SAMD12: variants seen among roughly 807,000 people sequenced by gnomAD.
The protein encoded by SAMD12 is sterile alpha motif domain containing 12.
SAMD12 carries 9 observed loss-of-function variants against 15.0 expected under a neutral mutation model. That is an observed-to-expected ratio of 0.60 (90% confidence interval 0.36 to 1.05). The LOEUF (loss-of-function observed/expected upper bound fraction) is 1.05. Among genes scored for constraint, SAMD12 ranks in the 50% least tolerant of loss-of-function variants. The probability of loss-of-function intolerance (pLI) is 0.01; values close to 1 mark genes in which losing one functional copy is unlikely to be tolerated. For missense variants in SAMD12, 230 were observed against 234.2 expected (o/e 0.98, Z 0.12); for synonymous variants, 86 against 90.1 (o/e 0.96, Z 0.25).
the SAMD12 span, among the ~76,000 whole-genome samples, chr8:118,163,964 C>T: frequency 6.6e-6 from 1 of 152,158 alleles, no homozygotes; most frequent in Non-Finnish European, 1.5e-5. Flanking sequence ...GGAGGAAGAA[C>T]ATTGCTGGAG....
At chr8:118,414,714 T>C (rs571556891) in intron 3 of SAMD12, among the ~76,000 whole-genome samples, 1 of 152,290 alleles carries the variant, frequency 6.6e-6, no homozygotes, top group East Asian at 1.9e-4. Flanking sequence ...TTGGCATTGC[T>C]TGTACGGCAG....
rs1437247836 is a variant in SAMD12 at position 118,242,431 on chromosome 8, T to C, written c.434-44699A>G. ...ATGGTTGCAGTTATCCTTGGTACAG[T>C]AGGTACAGTAAAATAAGATATTTTC... On this transcript the variant is annotated intron_variant, in intron 4 of 4. Transcript: ENST00000409003. 3.3e-5 allele frequency among the ~76,000 whole-genome samples: 5 copies of C among 152,130 alleles called. No homozygotes were observed. The East Asian group carries it at 5.8e-4, about 18-fold the overall frequency.
At chr8:118,367,898 C>A (rs1818879311) in intron 4 of SAMD12, among the ~76,000 whole-genome samples, 1 of 152,170 alleles carries the variant, frequency 6.6e-6, no homozygotes, top group African/African-American at 2.4e-5. Context: ...AATCATGAGT[C>A]CATGTCAAGC....
At chr8:118,180,679 C>A in the SAMD12 span, among the ~76,000 whole-genome samples, 3 of 151,798 alleles carry the variant, frequency 2.0e-5, no homozygotes, top group African/African-American at 7.3e-5. Context: ...CTCAAGCAAT[C>A]CTCCCAGCTC....
chr8:118,458,152 C>T (rs1823314705), intron 2 of SAMD12, among the ~76,000 whole-genome samples: 1 of 152,186 alleles, frequency 6.6e-6, no homozygotes, highest in African/African-American at 2.4e-5. Context: ...TCCTACTTAA[C>T]TAAATCACAT....
rs1819544732 is a variant in SAMD12 at position 118,379,349 on chromosome 8, A to T, written c.*68T>A. ...TTAGCTCAGGTAATTCTGTTTGCTCATCCATTACTTATTTGTGCATCCTTC... is the reference window on the plus strand; with the variant it reads ...TTAGCTCAGGTAATTCTGTTTGCTCTTCCATTACTTATTTGTGCATCCTTC... On this transcript the variant is annotated 3_prime_UTR_variant, in exon 4 of 4. Coordinates refer to ENST00000314727, the MANE Select transcript of SAMD12 (RefSeq NM_207506.3). The T allele has an allele frequency of 3.2e-6, 5 of 1,550,328 alleles. No individual in the cohort carries two copies. The highest frequency in any genetic ancestry group is 4.3e-6 in the Non-Finnish European group (5 of 1,151,752).
chr8:118,342,595 G>A (rs553001268), intron 4 of SAMD12, among the ~76,000 whole-genome samples: 1 of 152,166 alleles, frequency 6.6e-6, no homozygotes, highest in Non-Finnish European at 1.5e-5. Flanking sequence ...AGATGACGAT[G>A]GAAGTACTGA....
intron 2 of SAMD12, among the ~76,000 whole-genome samples, chr8:118,550,899 CT>C (rs1465615723): frequency 6.7e-6 from 1 of 149,934 alleles, no homozygotes; most frequent in East Asian, 1.9e-4. Context: ...ATAAAACAGA[CT>C]TTAAACCAAC....
intron 4 of SAMD12, among the ~76,000 whole-genome samples, chr8:118,334,658 C>A (rs866975346): frequency 1.3e-5 from 2 of 152,060 alleles, no homozygotes; most frequent in South Asian, 4.1e-4. Context: ...TGCAGTGGAG[C>A]GATCATGGCT....
the SAMD12 span, among the ~76,000 whole-genome samples, chr8:118,174,735 T>C: frequency 6.6e-6 from 1 of 152,052 alleles, no homozygotes; most frequent in African/African-American, 2.4e-5. Context: ...TGGATAAATT[T>C]CAAATCTACA....
chr8:118,346,021 C>T (rs1257817157), intron 4 of SAMD12, among the ~76,000 whole-genome samples: 1 of 152,174 alleles, frequency 6.6e-6, no homozygotes, highest in Admixed American at 6.5e-5. Context: ...AGCCTACTTG[C>T]TCTCTGGAGA....
At chr8:118,620,075 T>TC (rs1234097801) in intron 1 of SAMD12, among the ~76,000 whole-genome samples, 5 of 152,240 alleles carry the variant, frequency 3.3e-5, no homozygotes, top group Non-Finnish European at 7.3e-5. Flanking sequence ...ACTTCCTTCC[T>TC]AAGTTCTTGT....
chr8:118,459,789 G>A (rs1404660352), intron 2 of SAMD12, among the ~76,000 whole-genome samples: 3 of 152,202 alleles, frequency 2.0e-5, no homozygotes, highest in Non-Finnish European at 2.9e-5. Flanking sequence ...TTCACTTTAT[G>A]TAATATTTCA....
chr8:118,211,561 C>T (rs1811826783), intron 4 of SAMD12, among the ~76,000 whole-genome samples: 1 of 152,198 alleles, frequency 6.6e-6, no homozygotes, highest in African/African-American at 2.4e-5. Flanking sequence ...GGCAAGTCTT[C>T]CTTAAACCTA....
At position 118,316,369 on chromosome 8, in the gene SAMD12, C is replaced by CAA. The variant is rs71307444; in HGVS notation, c.433+63189_433+63190dup. Among the ~76,000 whole-genome samples the CAA allele has an allele frequency of 8.9e-4, 102 of 114,138 alleles. 1 individual carries two copies. The East Asian group carries it at 0.012, about 13-fold the overall frequency. 74.9% of individuals were successfully genotyped at this position (114,138 alleles called of 152,430 possible). A position where few individuals can be genotyped will look rare whatever the true frequency, so the allele number is the denominator to read the frequency against. ...TCAACATGGTGAAACCCCATGTCTA[C>CAA]AAAAAAAAAAAAAAAATTAGCTAGG... is the stretch of plus-strand genomic sequence containing the variant. On this transcript the variant is annotated intron_variant, in intron 4 of 4. Transcript: ENST00000409003.
At chr8:118,176,008 T>A in the SAMD12 span, among the ~76,000 whole-genome samples, 1 of 152,126 alleles carries the variant, frequency 6.6e-6, no homozygotes, top group Admixed American at 6.6e-5. Context: ...CCCAACAGAA[T>A]AGAAATTTTT....
the SAMD12 span, among the ~76,000 whole-genome samples, chr8:118,177,380 A>T: frequency 1.3e-5 from 2 of 151,840 alleles, no homozygotes; most frequent in Non-Finnish European, 2.9e-5. Context: ...AGCTGGGACT[A>T]TGGGCATGCA....
At chr8:118,216,613 C>G (rs1811966136) in intron 4 of SAMD12, among the ~76,000 whole-genome samples, 1 of 152,162 alleles carries the variant, frequency 6.6e-6, no homozygotes, top group African/African-American at 2.4e-5. Flanking sequence ...CCAAGACCTA[C>G]AGATAATATC....
At chr8:118,203,590 A>AT (rs1190291493) in intron 4 of SAMD12, among the ~76,000 whole-genome samples, 2 of 151,520 alleles carry the variant, frequency 1.3e-5, no homozygotes, top group Admixed American at 6.6e-5. Flanking sequence ...TTTTAATTCT[A>AT]TTTTTTTATT....
Sources: allele counts gnomAD v4.1 joint callset (sites outside exome capture counted in the v4.1 genomes callset), GRCh38; gene constraint gnomAD v4.1.1; transcripts MANE v1.5; gene names NCBI Gene and HGNC (gene_info 2026-07-23, HGNC 2026-07-21).